The following LRRC4C variants were observed in gnomAD, a reference collection of about 807,000 sequenced individuals.
The protein encoded by LRRC4C is leucine rich repeat containing 4C.
Under a neutral mutation model 33.6 loss-of-function variants are expected in LRRC4C, and 5 were observed. The observed-to-expected ratio is 0.15, with a 90% CI of 0.08 to 0.31. LRRC4C has a LOEUF of 0.31. Ranked by LOEUF, LRRC4C falls within the 10% of genes least tolerant of loss-of-function variation. The pLI is 1.00. For synonymous variants in LRRC4C, 329 were observed against 302.0 expected (o/e 1.09, Z -0.93); for missense variants, 560 against 796.7 (o/e 0.70, Z 3.58).
chr11:40,430,603 A>T (rs1470047746), intron 3 of LRRC4C, among the ~76,000 whole-genome samples: 1 of 152,086 alleles, frequency 6.6e-6, no homozygotes, highest in Admixed American at 6.6e-5. Flanking sequence ...GGCAAAAGAG[A>T]CTTTGACTGT....
At chr11:40,316,865 T>G (rs546609030) in intron 4 of LRRC4C, among the ~76,000 whole-genome samples, 2 of 151,892 alleles carry the variant, frequency 1.3e-5, no homozygotes, top group Non-Finnish European at 2.9e-5. Context: ...CTCTTTAGGA[T>G]AGACCCATTG....
intron 1 of LRRC4C, among the ~76,000 whole-genome samples, chr11:41,349,528 G>A (rs1054079798): frequency 6.6e-6 from 1 of 151,950 alleles, no homozygotes; most frequent in Non-Finnish European, 1.5e-5. Context: ...CTCAGGGTTC[G>A]AGCACACAGC....
rs112804975 is a variant in LRRC4C at position 41,309,695 on chromosome 11, G to A, written c.-496+149736C>T. On this transcript the variant is annotated intron_variant, in intron 1 of 6. Coordinates refer to ENST00000528697, the MANE Select transcript of LRRC4C (RefSeq NM_001258419.2). ...TAACTCCCCATTATAATCTTCCACA[G>A]CAGTTGTTAAAAATAAAATCCCTGC... is the stretch of plus-strand genomic sequence containing the variant. Among the ~76,000 whole-genome samples the A allele has an allele frequency of 3.6e-3, 542 of 152,228 alleles. 6 individuals are homozygous for A. Among genetic ancestry groups the A allele is most frequent in the African/African-American group, 0.013 (526 of 41,518 alleles).
At chr11:40,594,340 T>A (rs1959175669) in intron 3 of LRRC4C, among the ~76,000 whole-genome samples, 1 of 152,218 alleles carries the variant, frequency 6.6e-6, no homozygotes, top group East Asian at 1.9e-4. Context: ...CAATTATTCT[T>A]ATTTTATAGA....
chr11:40,971,617 C>G lies in LRRC4C; in HGVS notation c.-495-37894G>C, dbSNP rs1251872914. On this transcript the variant is annotated intron_variant, in intron 1 of 6. Coordinates refer to ENST00000528697, the MANE Select transcript of LRRC4C (RefSeq NM_001258419.2). The stretch of plus-strand genomic sequence containing the variant: ...TTGGAGCTCTGACACAGAGTTCCCA[C>G]TGGGGTACTGCCTAGTGCATCTGTG... Among the ~76,000 whole-genome samples, 3 of 152,164 alleles carry G rather than the reference C, an allele frequency of 2.0e-5. No individual in the cohort carries two copies. The East Asian group carries it at 5.8e-4, about 29-fold the overall frequency.
chr11:40,132,704 A>T (rs1028571609), intron 6 of LRRC4C, among the ~76,000 whole-genome samples: 10 of 152,286 alleles, frequency 6.6e-5, no homozygotes, highest in African/African-American at 2.2e-4. Flanking sequence ...AATAAAAAAT[A>T]ATATTCTATT....
chr11:41,376,730 GAC>G (rs940427000), intron 1 of LRRC4C, among the ~76,000 whole-genome samples: 2 of 151,946 alleles, frequency 1.3e-5, no homozygotes, highest in South Asian at 2.1e-4. Context: ...ACAATATACT[GAC>G]ACACACATGA....
At chr11:41,120,764 T>G (rs2135759620) in intron 1 of LRRC4C, among the ~76,000 whole-genome samples, 1 of 152,280 alleles carries the variant, frequency 6.6e-6, no homozygotes, top group Admixed American at 6.5e-5. Context: ...GAATTGTAAT[T>G]ACCAATGTTG....
chr11:41,232,098 C>T (rs1947828240), intron 1 of LRRC4C, among the ~76,000 whole-genome samples: 2 of 151,942 alleles, frequency 1.3e-5, no homozygotes, highest in Non-Finnish European at 2.9e-5. Context: ...ATGATTTCCC[C>T]TTGCCCCTTG....
intron 1 of LRRC4C, among the ~76,000 whole-genome samples, chr11:41,071,078 G>T (rs1938640639): frequency 6.6e-6 from 1 of 152,058 alleles, no homozygotes; most frequent in Admixed American, 6.6e-5. Flanking sequence ...TCCATAAAAA[G>T]GAATGAGATC....
chr11:41,138,454 C>T (rs1943359902), intron 1 of LRRC4C, among the ~76,000 whole-genome samples: 2 of 151,932 alleles, frequency 1.3e-5, no homozygotes, highest in South Asian at 4.1e-4. Context: ...ATTGACACTC[C>T]CTGGAGAAGG....
chr11:40,809,501 T>A (rs1294081823), intron 2 of LRRC4C, among the ~76,000 whole-genome samples: 1 of 152,170 alleles, frequency 6.6e-6, no homozygotes, highest in Non-Finnish European at 1.5e-5. Flanking sequence ...CTCTGTGTCC[T>A]ACCTATATCC....
At chr11:40,141,185 G>A (rs1168297027) in intron 5 of LRRC4C, among the ~76,000 whole-genome samples, 1 of 151,836 alleles carries the variant, frequency 6.6e-6, no homozygotes, top group African/African-American at 2.4e-5. Context: ...AGATTAAATT[G>A]GATAATGCAT....
intron 4 of LRRC4C, among the ~76,000 whole-genome samples, chr11:40,302,533 T>C (rs1453759077): frequency 2.0e-5 from 3 of 152,130 alleles, no homozygotes; most frequent in African/African-American, 7.2e-5. Context: ...TTCTTTTCTG[T>C]CTTTTTTTTT....
intron 1 of LRRC4C, among the ~76,000 whole-genome samples, chr11:41,057,636 G>C (rs1858728627): frequency 6.6e-6 from 1 of 152,348 alleles, no homozygotes; most frequent in South Asian, 2.1e-4. Context: ...GACTCAGCCA[G>C]AGCTGAGCAG....
At chr11:40,197,710 C>A (rs1862377278) in intron 5 of LRRC4C, among the ~76,000 whole-genome samples, 1 of 152,162 alleles carries the variant, frequency 6.6e-6, no homozygotes, top group African/African-American at 2.4e-5. Context: ...TAATAGCAAT[C>A]ACTTTGTTTC....
At chr11:41,008,414 A>T (rs934362119) in intron 1 of LRRC4C, among the ~76,000 whole-genome samples, 6 of 152,170 alleles carry the variant, frequency 3.9e-5, no homozygotes, top group African/African-American at 1.4e-4. Context: ...GCTACAGGGT[A>T]CACAGTAATC....
intron 5 of LRRC4C, among the ~76,000 whole-genome samples, chr11:40,174,902 C>A (rs1395579482): frequency 6.6e-6 from 1 of 152,118 alleles, no homozygotes; most frequent in East Asian, 1.9e-4. Context: ...TGATTAAAGT[C>A]ACAGAGCTAT....
intron 1 of LRRC4C, among the ~76,000 whole-genome samples, chr11:41,009,881 G>T (rs1369013748): frequency 6.6e-6 from 1 of 152,082 alleles, no homozygotes; most frequent in African/African-American, 2.4e-5. Context: ...TAGAAATAAG[G>T]TTTTAACAAA....
Sources: allele counts gnomAD v4.1 joint callset (sites outside exome capture counted in the v4.1 genomes callset), GRCh38; gene constraint gnomAD v4.1.1; transcripts MANE v1.5; gene names NCBI Gene and HGNC (gene_info 2026-07-23, HGNC 2026-07-21).